Variants in PEX5 observed in about 807,000 individuals in gnomAD.
PEX5 encodes the protein PTS1 receptor.
A neutral mutation model predicts 82.9 loss-of-function variants in PEX5; 52 were observed. The observed-to-expected ratio is 0.63, with a 90% CI of 0.50 to 0.79. The LOEUF is 0.79. PEX5 is among the 30% of genes least tolerant of loss of function. PEX5 has a pLI of 0.00. For missense variants in PEX5, 719 were observed against 815.2 expected (o/e 0.88, Z 1.44); for synonymous variants, 300 against 318.8 (o/e 0.94, Z 0.63).
intron 17 of PEX5, among the ~76,000 whole-genome samples, chr12:7,216,486 TAG>T (rs1297510291): frequency 6.6e-6 from 1 of 152,260 alleles, no homozygotes; most frequent in Non-Finnish European, 1.5e-5. Context: ...AATATTTATA[TAG>T]AACTATTGTA....
At chr12:7,201,152 C>CGT (rs1565700357) in intron 6 of PEX5, among the ~76,000 whole-genome samples, 61 of 150,446 alleles carry the variant, frequency 4.1e-4, no homozygotes, top group Admixed American at 1.5e-3. Context: ...CACACACGCA[C>CGT]ACACATATAT....
In PEX5 at chr12:7,209,775, C is replaced by T. The variant is rs200215904; in HGVS notation, c.1653C>T (p.Leu551=). 31 of 1,614,188 alleles carry T rather than the reference C, an allele frequency of 1.9e-5. No individual in the cohort carries two copies. The highest frequency in any genetic ancestry group is 1.6e-4 in the Middle Eastern group (1 of 6,062). Residue 551 remains leucine (L), a synonymous_variant, in exon 15 of 16, where the codon CTC becomes CTT. Coordinates refer to ENST00000675855, the MANE Select transcript of PEX5 (RefSeq NM_001351132.2). ...AVAAYRRALE[L]QPGYIRSRYN... is the part of the protein sequence containing the mutation. ...CTGCGTACCGCCGGGCCCTCGAGCTCCAGCCTGGCTATATCCGGTCCCGCT... is the reference window on the plus strand; with the variant it reads ...CTGCGTACCGCCGGGCCCTCGAGCTTCAGCCTGGCTATATCCGGTCCCGCT...
At chr12:7,208,119 G>C (rs759306595) in intron 12 of PEX5, 39 bp downstream of exon 12, 3 of 1,439,852 alleles carry the variant, frequency 2.1e-6, no homozygotes, top group Admixed American at 1.7e-5. Context: ...TGCTTCCAAG[G>C]CTCTGCATAT....
chr12:7,191,559 C>T lies in PEX5; in HGVS notation c.317-10C>T, dbSNP rs960062851. The T allele has an allele frequency of 2.5e-6, 4 of 1,614,026 alleles. No homozygotes were observed. The highest frequency in any genetic ancestry group is 3.3e-4 in the Middle Eastern group (2 of 5,974). Reference sequence around the variant, plus strand: ...TATTCTTTCTTAGTTTTCTCTCTCTCTCTTTTAAGCCCCTGGTGTGGCAGA... The same window carrying T: ...TATTCTTTCTTAGTTTTCTCTCTCTTTCTTTTAAGCCCCTGGTGTGGCAGA... On this transcript the variant is annotated splice_polypyrimidine_tract_variant and intron_variant, in intron 4 of 15. Transcript: ENST00000675855.
downstream of PEX5, among the ~76,000 whole-genome samples, chr12:7,215,906 G>GGTAATAA (rs1945763518): frequency 2.0e-5 from 3 of 151,730 alleles, no homozygotes; most frequent in African/African-American, 7.3e-5. Flanking sequence ...CAAAACAAAA[G>GGTAATAA]CCATTTTACA....
Position 7,189,764 on chromosome 12 carries a change from C to G in PEX5, c.-17+14C>G. ...CGGCGCTCCGCGGTGAGCGCCTGAC[C>G]CCGAGGGGGCCCGGGGCCGCGTCCC... On this transcript the variant is annotated intron_variant, in intron 1 of 15. Transcript: ENST00000675855. 2.2e-6 allele frequency: 1 copy of G among 460,226 alleles called. No individual in the cohort carries two copies. The highest frequency in any genetic ancestry group is 3.4e-6 in the Non-Finnish European group (1 of 296,536). The allele number at this position is 460,226 out of a possible 1,614,324, so 28.5% of individuals were successfully genotyped here. A position where few individuals can be genotyped will look rare whatever the true frequency, so the allele number is the denominator to read the frequency against.
chr12:7,200,287 C>A (rs1285252237), intron 6 of PEX5, among the ~76,000 whole-genome samples: 2 of 147,548 alleles, frequency 1.4e-5, no homozygotes, highest in African/African-American at 5.1e-5. Context: ...ACATCTCAGA[C>A]GATGGGTGGT....
intron 5 of PEX5, among the ~76,000 whole-genome samples, chr12:7,192,065 T>C (rs904678721): frequency 8.5e-5 from 13 of 152,218 alleles, no homozygotes; most frequent in Non-Finnish European, 1.6e-4. Flanking sequence ...TGGAACAGAA[T>C]TGGGGCCTTC....
At chr12:7,205,416 T>C (rs985243825) in intron 10 of PEX5, among the ~76,000 whole-genome samples, 7 of 152,350 alleles carry the variant, frequency 4.6e-5, no homozygotes, top group Middle Eastern at 3.4e-3. Context: ...GAATGCACTG[T>C]TTGTTTATTG....
At chr12:7,202,763 GGGTGTATGAA>G in intron 9 of PEX5, 59 bp downstream of exon 9, 3 of 1,136,102 alleles carry the variant, frequency 2.6e-6, no homozygotes, top group Non-Finnish European at 4.0e-6. Flanking sequence ...TGGAGTGAGT[GGGTGTATGAA>G]CATCAAAGAT....
chr12:7,193,589 C>G (rs780109029), intron 5 of PEX5, among the ~76,000 whole-genome samples: 1 of 152,178 alleles, frequency 6.6e-6, no homozygotes, highest in African/African-American at 2.4e-5. Context: ...AGCAAAGACC[C>G]TCTCCAAGAC....
downstream of PEX5, chr12:7,212,958 G>C (rs1591818583): frequency 6.6e-6 from 1 of 152,280 alleles, no homozygotes; most frequent in East Asian, 1.9e-4. Flanking sequence ...ACATGACAAA[G>C]TCTGGCTGTG....
intron 6 of PEX5, 96 bp downstream of exon 6, chr12:7,199,209 CTTTTT>C (rs5796268): frequency 1.5e-4 from 59 of 396,744 alleles, no homozygotes; most frequent in African/African-American, 1.4e-3. Context: ...TTACTTTATT[CTTTTT>C]TTTTTTTTTT....
chr12:7,191,191 C>T (rs760044507), intron 3 of PEX5, 35 bp from the exon 4 acceptor site: 1 of 1,614,060 alleles, frequency 6.2e-7, no homozygotes, highest in Non-Finnish European at 8.5e-7. Context: ...GCCTCCCAAG[C>T]CTATGGGTTC....
intron 17 of PEX5, among the ~76,000 whole-genome samples, chr12:7,217,793 C>A (rs1055902381): frequency 6.6e-6 from 1 of 152,338 alleles, no homozygotes; most frequent in East Asian, 1.9e-4. Context: ...AGGGGGCCAA[C>A]AGGGACACTA....
At chr12:7,216,562 T>C (rs1477724732) in intron 17 of PEX5, among the ~76,000 whole-genome samples, 1 of 133,562 alleles carries the variant, frequency 7.5e-6, no homozygotes, top group Non-Finnish European at 1.7e-5. Flanking sequence ...TATTTTACGA[T>C]CATAACTTCT....
rs28526246 is a variant in PEX5 at position 7,206,362 on chromosome 12, T to C, written c.967-1297T>C. ...ACAGCCGTGCTCATTTGTTTACTTA[T>C]GTCTGGCTGCTTTCGCACTACAACA... On this transcript the variant is annotated intron_variant, in intron 10 of 15. Coordinates refer to ENST00000675855, the MANE Select transcript of PEX5 (RefSeq NM_001351132.2). 6.3e-3 allele frequency among the ~76,000 whole-genome samples: 965 copies of C among 152,382 alleles called. 14 individuals carry two copies. The highest frequency in any genetic ancestry group is 0.022 in the African/African-American group (912 of 41,594).
At chr12:7,190,057 TGGTCCCCCGG>T (rs1940687492) in intron 1 of PEX5, 20 of 1,501,294 alleles carry the variant, frequency 1.3e-5, no homozygotes, top group Non-Finnish European at 1.8e-5. Flanking sequence ...AGCGTCCCCG[TGGTCCCCCGG>T]GGTCCAGGCC....
At chr12:7,196,341 T>A (rs1201264099) in intron 5 of PEX5, among the ~76,000 whole-genome samples, 13 of 135,392 alleles carry the variant, frequency 9.6e-5, no homozygotes, top group African/African-American at 2.6e-4. Flanking sequence ...TTTATATATG[T>A]CATATATAAT....
Sources: allele counts gnomAD v4.1 joint callset (sites outside exome capture counted in the v4.1 genomes callset), GRCh38; gene constraint gnomAD v4.1.1; transcripts MANE v1.5; gene names NCBI Gene and HGNC (gene_info 2026-07-23, HGNC 2026-07-21).